Variants in MDGA1 observed in about 807,000 individuals in gnomAD.
MDGA1 encodes the protein MAM domain containing glycosylphosphatidylinositol anchor 1, also known as MAM domain-containing glycosylphosphatidylinositol anchor protein 1.
In MDGA1, 54 loss-of-function variants were observed where a neutral mutation model predicts 101.5. The ratio of observed to expected loss-of-function variants is 0.53; its 90% confidence interval spans 0.43 to 0.67. MDGA1 has a LOEUF of 0.67. Among genes scored for constraint, MDGA1 ranks in the 30% least tolerant of loss-of-function variants. The pLI, the probability that MDGA1 is intolerant of heterozygous loss-of-function variation, is 0.00. For synonymous variants in MDGA1, 533 were observed against 558.3 expected (o/e 0.95, Z 0.64); for missense variants, 1,083 against 1,323.8 (o/e 0.82, Z 2.82).
Position 37,644,531 on chromosome 6 carries a change from A to C in MDGA1, c.2367T>G (p.Thr789=), listed in dbSNP as rs1205524730. 6.3e-7 allele frequency: 1 copy of C among 1,597,016 alleles called. No individual in the cohort carries two copies. The change falls in exon 13 of 17, where the codon ACT becomes ACG. Residue 789 remains threonine, a synonymous_variant. Transcript: ENST00000434837. ...TGCCACTTATGTCGGTGGGGGGACC[A>C]GTGTTGGGGGAGCGTTTGGGGTTCT... ...LTQNPKRSPN[T]GPPTDISGTP...
intron 1 of MDGA1, among the ~76,000 whole-genome samples, chr6:37,693,153 G>A (rs148214868): frequency 2.0e-4 from 31 of 152,286 alleles, no homozygotes; most frequent in Non-Finnish European, 3.8e-4. Flanking sequence ...GGAGCTTCTC[G>A]AGGACAAAAG....
chr6:37,650,091 G>C lies in MDGA1; in HGVS notation c.1609+18C>G, dbSNP rs755976577. The C allele has an allele frequency of 9.9e-6, 16 of 1,611,058 alleles. No homozygotes were observed. Among genetic ancestry groups the C allele is most frequent in the Admixed American group, 5.0e-5 (3 of 59,958 alleles). On this transcript the variant is annotated intron_variant, in intron 8 of 16. Coordinates refer to ENST00000434837, the MANE Select transcript of MDGA1 (RefSeq NM_153487.4). ...AAGGAAAGCTGGGAAGGTAGTCCGGGTGGCGTGGTGGACTCACACTGCACG... is the reference window on the plus strand; with the variant it reads ...AAGGAAAGCTGGGAAGGTAGTCCGGCTGGCGTGGTGGACTCACACTGCACG...
rs1435018196 is a variant in MDGA1, at chr6:37,655,339, T to C, written c.579+361A>G. 3.0e-6 allele frequency: 1 copy of C among 332,934 alleles called. No individual in the cohort carries two copies. The highest frequency in any genetic ancestry group is 4.6e-5 in the Admixed American group (1 of 21,708). The allele number at this position is 332,934 out of a possible 1,614,324, so 20.6% of individuals were successfully genotyped here. ...CATCTCCTGGGACTATCAGGGCCCATGGGAAGAGGAGTCATCTCCTCGCCC... is the reference window on the plus strand; with the variant it reads ...CATCTCCTGGGACTATCAGGGCCCACGGGAAGAGGAGTCATCTCCTCGCCC... On this transcript the variant is annotated intron_variant, in intron 4 of 16. Transcript: ENST00000434837. The surrounding 1 kb of genome is among the most constrained non-coding windows in gnomAD (Gnocchi z 5.1).
chr6:37,693,112 G>T (rs1322990335), intron 1 of MDGA1, among the ~76,000 whole-genome samples: 1 of 152,230 alleles, frequency 6.6e-6, no homozygotes, highest in Admixed American at 6.5e-5. Flanking sequence ...TGCAATTTCT[G>T]TAAGTGAAAA....
Position 37,658,228 on chromosome 6 carries a change from AG to A in MDGA1, c.382+16del, listed in dbSNP as rs776752786. On this transcript the variant is annotated intron_variant, in intron 3 of 16. Transcript: ENST00000434837. ...CTGGGCTGTCAGGGCCCGGGGAGAG[AG>A]GGGGCCTCAACTCACACTGCACGTC... The A allele has an allele frequency of 5.1e-6, 8 of 1,556,480 alleles. No individual in the cohort carries two copies. In the South Asian group the frequency reaches 7.2e-5, roughly 14 times the overall value.
chr6:37,671,834 C>G (rs1246158109), intron 1 of MDGA1, among the ~76,000 whole-genome samples: 1 of 152,192 alleles, frequency 6.6e-6, no homozygotes, highest in Non-Finnish European at 1.5e-5. Flanking sequence ...CCAAACAAGA[C>G]AGACAGCAAG....
At chr6:37,693,325 GA>G (rs949679311) in intron 1 of MDGA1, among the ~76,000 whole-genome samples, 3 of 152,068 alleles carry the variant, frequency 2.0e-5, no homozygotes, top group East Asian at 3.8e-4. Flanking sequence ...CCAGAGGAGG[GA>G]AAAAAACCTG....
At chr6:37,651,967 C>T in intron 7 of MDGA1, 44 bp downstream of exon 7, 1 of 1,474,274 alleles carries the variant, frequency 6.8e-7, no homozygotes, top group Non-Finnish European at 9.0e-7. Flanking sequence ...CTGTGGGCCT[C>T]TCCACCCCCC....
intron 8 of MDGA1, 82 bp from the exon 9 acceptor site, chr6:37,649,348 C>A: frequency 7.1e-7 from 1 of 1,404,002 alleles, no homozygotes; most frequent in South Asian, 1.5e-5. Context: ...GCAACGCGCT[C>A]GCCTCTAATG....
At position 37,635,101 on chromosome 6, in the gene MDGA1, C is replaced by T. The variant is rs1284511334; in HGVS notation, c.*2267G>A. 3 of 177,428 alleles carry T rather than the reference C, an allele frequency of 1.7e-5. No individual in the cohort carries two copies. The highest frequency in any genetic ancestry group is 1.5e-4 in the East Asian group (1 of 6,746). 11.0% of individuals were successfully genotyped at this position (177,428 alleles called of 1,614,324 possible). ...CAGTGGTTCCTGCTGTCAGGAGAAC[C>T]CAAGGAGCTTTTCAACATTTCTTGA... On this transcript the variant is annotated 3_prime_UTR_variant, in exon 17 of 17. Transcript: ENST00000434837.
intron 1 of MDGA1, among the ~76,000 whole-genome samples, chr6:37,675,665 A>G (rs779226864): frequency 2.0e-4 from 30 of 152,198 alleles, no homozygotes; most frequent in Non-Finnish European, 4.1e-4. Flanking sequence ...CCATCAGGGC[A>G]GAGAATGACT....
intron 1 of MDGA1, among the ~76,000 whole-genome samples, chr6:37,679,554 TC>T (rs1456594932): frequency 2.0e-5 from 3 of 152,116 alleles, no homozygotes; most frequent in Non-Finnish European, 2.9e-5. Context: ...TCAGTCTTGT[TC>T]CCTCTCTCTC....
rs1763823973 is a variant in MDGA1, at chr6:37,631,564, C to T, written c.*5804G>A. 6.6e-6 allele frequency: 1 copy of T among 152,220 alleles called. No homozygotes were observed. Among genetic ancestry groups the T allele is most frequent in the Admixed American group, 6.5e-5 (1 of 15,286 alleles). 9.4% of individuals were successfully genotyped at this position (152,220 alleles called of 1,614,324 possible). A position where few individuals can be genotyped will look rare whatever the true frequency, so the allele number is the denominator to read the frequency against. On this transcript the variant is annotated 3_prime_UTR_variant, in exon 17 of 17. Transcript: ENST00000434837. The stretch of plus-strand genomic sequence containing the variant: ...TTGTAACCAAGTAACCTGAAAGACA[C>T]TTCCTGTCATTTGCCTGATATGATG...
intron 1 of MDGA1, among the ~76,000 whole-genome samples, chr6:37,664,899 A>ACACACACG: frequency 7.0e-6 from 1 of 143,630 alleles, no homozygotes; most frequent in South Asian, 2.2e-4. Flanking sequence ...ACACACACAC[A>ACACACACG]CACACACGGC....
Position 37,638,459 on chromosome 6 carries a change from GA to G in MDGA1, c.2667+77del, listed in dbSNP as rs1451607300. 2 of 1,594,422 alleles carry G rather than the reference GA, an allele frequency of 1.3e-6. No homozygotes were observed. Among genetic ancestry groups the G allele is most frequent in the African/African-American group, 2.7e-5 (2 of 74,424 alleles). On this transcript the variant is annotated intron_variant, in intron 15 of 16. Transcript: ENST00000434837. This position sits in a 1 kb window ranked among gnomAD's most constrained non-coding sequence, Gnocchi z 4.8. ...TCCATCCTTAGCCCCCAGGAAGAAGGACAAGGTTTTCCTAAGTGTTTCCTGG... is the reference window on the plus strand; with the variant it reads ...TCCATCCTTAGCCCCCAGGAAGAAGGCAAGGTTTTCCTAAGTGTTTCCTGG...
At chr6:37,663,344 T>G (rs980256867) in intron 2 of MDGA1, among the ~76,000 whole-genome samples, 7 of 152,206 alleles carry the variant, frequency 4.6e-5, no homozygotes. Flanking sequence ...GTGTGAAGCT[T>G]GCCTGCCAGA....
chr6:37,671,821 G>C (rs1489029734), intron 1 of MDGA1, among the ~76,000 whole-genome samples: 1 of 152,168 alleles, frequency 6.6e-6, no homozygotes, highest in Non-Finnish European at 1.5e-5. Flanking sequence ...ACTAGGGTGA[G>C]GGCCAAACAA....
chr6:37,679,375 ATGGGGTC>A (rs1036183662), intron 1 of MDGA1, among the ~76,000 whole-genome samples: 7 of 152,148 alleles, frequency 4.6e-5, no homozygotes, highest in Non-Finnish European at 8.8e-5. Context: ...TGGGAGGAAA[ATGGGGTC>A]TGGAATGGAC....
At chr6:37,650,903 T>C (rs1761345273) in intron 7 of MDGA1, among the ~76,000 whole-genome samples, 1 of 152,218 alleles carries the variant, frequency 6.6e-6, no homozygotes, top group Admixed American at 6.5e-5. Context: ...CCAGCCTGCA[T>C]TATCGTTAGC....
Sources: allele counts gnomAD v4.1 joint callset (sites outside exome capture counted in the v4.1 genomes callset), GRCh38; gene constraint gnomAD v4.1.1; non-coding constraint Gnocchi (gnomAD v3.1); transcripts MANE v1.5; gene names NCBI Gene and HGNC (gene_info 2026-07-23, HGNC 2026-07-21).